Variants in NTNG1 observed in about 807,000 individuals in gnomAD.
The protein encoded by NTNG1 is netrin-G1.
NTNG1 carries 16 observed loss-of-function variants against 54.0 expected under a neutral mutation model. The ratio of observed to expected loss-of-function variants is 0.30; its 90% CI spans 0.20 to 0.45. The LOEUF (loss-of-function observed/expected upper bound fraction) is 0.45, where lower values mean the gene tolerates loss of function less well. Ranked by LOEUF, NTNG1 falls within the 20% of genes least tolerant of loss-of-function variation. The probability of loss-of-function intolerance (pLI) is 1.00; values close to 1 mark genes in which losing one functional copy is unlikely to be tolerated. For synonymous variants in NTNG1, 255 were observed against 263.1 expected (o/e 0.97, Z 0.30); for missense variants, 530 against 678.7 (o/e 0.78, Z 2.43).
At chr1:107,406,534 AC>A (rs1438997458) in intron 4 of NTNG1, among the ~76,000 whole-genome samples, 1 of 152,104 alleles carries the variant, frequency 6.6e-6, no homozygotes, top group East Asian at 1.9e-4. Context: ...GCCTAAAATC[AC>A]CCAGCAAGGC....
intron 3 of NTNG1, among the ~76,000 whole-genome samples, chr1:107,370,774 C>G (rs781322612): frequency 3.3e-5 from 5 of 152,000 alleles, no homozygotes; most frequent in Non-Finnish European, 5.9e-5. Context: ...TTTGCCTCAG[C>G]AATTTTATTT....
intron 3 of NTNG1, among the ~76,000 whole-genome samples, chr1:107,343,042 A>G (rs1291605562): frequency 6.6e-6 from 1 of 152,046 alleles, no homozygotes; most frequent in Non-Finnish European, 1.5e-5. Flanking sequence ...ACAATACTGT[A>G]TTTCTTCAAA....
chr1:107,368,477 T>A (rs1670728012), intron 3 of NTNG1, among the ~76,000 whole-genome samples: 2 of 152,314 alleles, frequency 1.3e-5, no homozygotes, highest in East Asian at 3.9e-4. Flanking sequence ...TTATGTAAAG[T>A]TTCACAGCCA....
chr1:107,217,802 C>G (rs1379984323), intron 2 of NTNG1, among the ~76,000 whole-genome samples: 1 of 152,046 alleles, frequency 6.6e-6, no homozygotes. Context: ...CCACTGTGGT[C>G]TGAGAGAGTA....
At chr1:107,272,685 G>A (rs1664222677) in intron 2 of NTNG1, among the ~76,000 whole-genome samples, 1 of 152,204 alleles carries the variant, frequency 6.6e-6, no homozygotes, top group Non-Finnish European at 1.5e-5. Context: ...AGTTGAGCAA[G>A]TGAAAGCCAT....
intron 2 of NTNG1, among the ~76,000 whole-genome samples, chr1:107,268,433 A>G (rs1036790301): frequency 4.6e-5 from 7 of 151,350 alleles, no homozygotes; most frequent in African/African-American, 1.7e-4. Flanking sequence ...TCACTTCTTG[A>G]AACTGTCTTC....
chr1:107,447,469 T>A (rs1171978125), intron 7 of NTNG1, among the ~76,000 whole-genome samples: 1 of 152,136 alleles, frequency 6.6e-6, no homozygotes, highest in African/African-American at 2.4e-5. Context: ...CCTGAAATAT[T>A]ACACCCTTGT....
intron 7 of NTNG1, among the ~76,000 whole-genome samples, chr1:107,437,482 G>C (rs34066055): frequency 0.14 from 21,057 of 152,106 alleles, 1,528 homozygotes; most frequent in Middle Eastern, 0.23. Context: ...AAGGCAGAAG[G>C]TTCCTTCCGT....
At chr1:107,194,155 T>C (rs1187656992) in intron 2 of NTNG1, among the ~76,000 whole-genome samples, 1 of 151,974 alleles carries the variant, frequency 6.6e-6, no homozygotes, top group Admixed American at 6.6e-5. Flanking sequence ...CTTAGCATTC[T>C]TCAGAACTCA....
chr1:107,153,719 T>C (rs757489994), intron 2 of NTNG1, among the ~76,000 whole-genome samples: 2 of 152,180 alleles, frequency 1.3e-5, no homozygotes, highest in African/African-American at 2.4e-5. Context: ...ACTCTACCTG[T>C]TTTTTGAATT....
chr1:107,250,080 C>G (rs1208805696), intron 2 of NTNG1, among the ~76,000 whole-genome samples: 1 of 152,186 alleles, frequency 6.6e-6, no homozygotes, highest in African/African-American at 2.4e-5. Context: ...TACCTACAGT[C>G]TTTGATGAAG....
intron 2 of NTNG1, among the ~76,000 whole-genome samples, chr1:107,194,619 A>C (rs1658191855): frequency 6.6e-6 from 1 of 152,084 alleles, no homozygotes; most frequent in African/African-American, 2.4e-5. Flanking sequence ...TCAGCATAGT[A>C]AACCAATAGC....
chr1:107,391,620 T>C (rs1672367970), intron 3 of NTNG1, among the ~76,000 whole-genome samples: 1 of 152,106 alleles, frequency 6.6e-6, no homozygotes, highest in Admixed American at 6.5e-5. Context: ...GCTCAGTTTC[T>C]GATGAGGGCC....
chr1:107,469,122 A>C (rs1677807641), intron 7 of NTNG1, among the ~76,000 whole-genome samples: 1 of 151,376 alleles, frequency 6.6e-6, no homozygotes, highest in Non-Finnish European at 1.5e-5. Context: ...AAAACAACGA[A>C]AGGAGCGTTC....
At chr1:107,175,666 A>G (rs1339667634) in intron 2 of NTNG1, among the ~76,000 whole-genome samples, 2 of 151,798 alleles carry the variant, frequency 1.3e-5, no homozygotes, top group Non-Finnish European at 2.9e-5. Context: ...ATGAAAAGCT[A>G]TTATGCTATT....
rs532827134 is a variant in NTNG1 at position 107,433,410 on chromosome 1, G to A, written c.1255+2493G>A. On this transcript the variant is annotated intron_variant, in intron 6 of 7. Transcript: ENST00000370068. ...AGAGATAAAAAATTAGCTGAGCGTG[G>A]TGGCCTGTGCCTGTAATCCCAGCTA... 2.9e-4 allele frequency among the ~76,000 whole-genome samples: 44 copies of A among 152,268 alleles called. No homozygotes were observed. The South Asian group carries it at 8.9e-3, about 31-fold the overall frequency.
chr1:107,440,463 A>C (rs1469414771), intron 7 of NTNG1, among the ~76,000 whole-genome samples: 1 of 152,208 alleles, frequency 6.6e-6, no homozygotes, highest in African/African-American at 2.4e-5. Flanking sequence ...TGTTTCATCT[A>C]AAATGGGGTA....
intron 7 of NTNG1, among the ~76,000 whole-genome samples, chr1:107,439,277 C>CGTGTGT (rs3064151): frequency 0.041 from 5,937 of 145,836 alleles, 369 homozygotes; most frequent in African/African-American, 0.13. Flanking sequence ...CCAGAACTTG[C>CGTGTGT]GTGTGTGTGT....
intron 2 of NTNG1, among the ~76,000 whole-genome samples, chr1:107,305,328 G>A (rs4915034): frequency 0.081 from 12,285 of 152,172 alleles, 547 homozygotes; most frequent in Middle Eastern, 0.15. Flanking sequence ...TTCCACAATG[G>A]TTGAACTAAT....
Sources: allele counts gnomAD v4.1 joint callset (sites outside exome capture counted in the v4.1 genomes callset), GRCh38; gene constraint gnomAD v4.1.1; transcripts MANE v1.5; gene names NCBI Gene and HGNC (gene_info 2026-07-23, HGNC 2026-07-21).